ZNF568: variants seen among roughly 807,000 people sequenced by gnomAD.
ZNF568 encodes the protein p53 inhibitor of SCO2 activation.
In ZNF568, 11 loss-of-function variants were observed where a neutral mutation model predicts 18.1. The observed-to-expected ratio is 0.61, with a 90% CI of 0.38 to 1.00. The LOEUF (loss-of-function observed/expected upper bound fraction) is 1.00, where lower values mean the gene tolerates loss of function less well. Among genes scored for constraint, ZNF568 ranks in the 50% least tolerant of loss-of-function variants. ZNF568 has a pLI of 0.01. For missense variants in ZNF568, 639 were observed against 768.2 expected (o/e 0.83, Z 1.99); for synonymous variants, 213 against 246.6 (o/e 0.86, Z 1.28).
At chr19:36,966,905 C>T (rs907102093) in intron 6 of ZNF568, among the ~76,000 whole-genome samples, 1 of 152,210 alleles carries the variant, frequency 6.6e-6, no homozygotes, top group South Asian at 2.1e-4. Context: ...TGCTCCAGAC[C>T]TCATGCTCAC....
At chr19:36,932,838 T>C (rs973116401) in intron 4 of ZNF568, among the ~76,000 whole-genome samples, 2 of 152,208 alleles carry the variant, frequency 1.3e-5, no homozygotes, top group African/African-American at 4.8e-5. Flanking sequence ...TATATCTTCT[T>C]TGAAGAATTG....
intron 2 of ZNF568, among the ~76,000 whole-genome samples, chr19:36,988,173 T>C (rs2146346640): frequency 6.6e-6 from 1 of 152,146 alleles, no homozygotes; most frequent in African/African-American, 2.4e-5. Flanking sequence ...AGGCTGGTCT[T>C]AAACTCCTGG....
At chr19:36,987,426 G>T (rs2074385328) in intron 2 of ZNF568, among the ~76,000 whole-genome samples, 1 of 152,150 alleles carries the variant, frequency 6.6e-6, no homozygotes, top group Non-Finnish European at 1.5e-5. Context: ...CCCAGTTCTG[G>T]GATATACGAA....
At chr19:36,961,945 C>A (rs2074154223) in intron 6 of ZNF568, among the ~76,000 whole-genome samples, 1 of 148,162 alleles carries the variant, frequency 6.7e-6, no homozygotes, top group South Asian at 2.2e-4. Flanking sequence ...ACAAGTAGCT[C>A]CCCATGCACC....
At chr19:36,996,240 G>T in intron 4 of ZNF568, 11 of 1,098,576 alleles carry the variant, frequency 1.0e-5, no homozygotes, top group South Asian at 3.6e-5. Flanking sequence ...TTTTTATTTT[G>T]TCATTTCTAC....
intron 7 of ZNF568, chr19:36,978,982 CTTTTTT>C (rs750326116): frequency 1.0e-4 from 26 of 261,164 alleles, no homozygotes; most frequent in East Asian, 2.9e-4. Flanking sequence ...TTGTAACTAT[CTTTTTT>C]TTTTTTTTTT....
intron 4 of ZNF568, among the ~76,000 whole-genome samples, chr19:36,926,862 C>T (rs1320694474): frequency 6.6e-6 from 1 of 152,108 alleles, no homozygotes; most frequent in Non-Finnish European, 1.5e-5. Context: ...TACATAACAT[C>T]GTGCATCAAT....
At chr19:36,981,191 C>T (rs991588633), downstream of ZNF568, among the ~76,000 whole-genome samples, 7 of 152,098 alleles carry the variant, frequency 4.6e-5, no homozygotes, top group East Asian at 5.8e-4. Context: ...TCTGTCCGTC[C>T]GTTTGTCTAT....
chr19:36,997,029 G>C (rs764459012), exon 5 of ZNF568: 2 of 1,561,570 alleles, frequency 1.3e-6, no homozygotes, highest in Non-Finnish European at 1.7e-6. Context: ...GAATCCATAC[G>C]GGTGAGAAAC....
chr19:36,950,060 G>C lies in ZNF568; in HGVS notation c.907G>C (p.Glu303Gln). 6.2e-7 allele frequency: 1 copy of C among 1,613,800 alleles called. No homozygotes were observed. The highest frequency in any genetic ancestry group is 8.5e-7 in the Non-Finnish European group (1 of 1,179,908). Residue 303 changes from glutamate to glutamine, a missense_variant, in exon 7 of 7, where the codon GAG (glutamate) becomes CAG (glutamine). Physicochemically the swap from Glu to Gln is conservative, Grantham distance 29. Transcript: ENST00000333987. ...LIRHHRIHTG[E>Q]KPYACKDCWK... ...TAGACACCACAGAATTCATACTGGG[G>C]AGAAACCTTATGCATGTAAGGATTG...
intron 4 of ZNF568, among the ~76,000 whole-genome samples, chr19:36,934,304 CTTTTT>C (rs201377492): frequency 1.6e-5 from 2 of 128,900 alleles, no homozygotes; most frequent in Admixed American, 7.8e-5. Context: ...CTTCTAGTAT[CTTTTT>C]TTTTTTTTTT....
chr19:36,993,794 TG>T (rs1473072683), intron 4 of ZNF568, among the ~76,000 whole-genome samples: 6 of 152,176 alleles, frequency 3.9e-5, no homozygotes, highest in Non-Finnish European at 7.4e-5. Context: ...TCTCTTTTTT[TG>T]TTGGTCAATC....
At chr19:36,936,587 A>G in intron 4 of ZNF568, 159 bp from the exon 5 acceptor site, 2 of 594,256 alleles carry the variant, frequency 3.4e-6, no homozygotes, top group Non-Finnish European at 5.4e-6. Context: ...GAAATGTCCA[A>G]CCATTATTTC....
chr19:36,987,049 T>A (rs537382637), intron 2 of ZNF568, among the ~76,000 whole-genome samples: 2 of 152,338 alleles, frequency 1.3e-5, no homozygotes, highest in African/African-American at 4.8e-5. Context: ...AGCTAAAGTT[T>A]CCTTTCAGTT....
In ZNF568 at chr19:36,950,791, T is replaced by C. The variant is rs150909451; in HGVS notation, c.1638T>C (p.Leu546=). The change falls in exon 7 of 7, where the codon CTT becomes CTC. Residue 546 remains leucine, a synonymous_variant. Transcript: ENST00000333987. ...GKAFSQRQNL[L]EHEKIHTGEK... ...CTTTCAGTCAGAGACAAAATCTTCTTGAGCATGAAAAAATTCATACTGGAG... is the reference window on the plus strand; with the variant it reads ...CTTTCAGTCAGAGACAAAATCTTCTCGAGCATGAAAAAATTCATACTGGAG... 5.2e-4 allele frequency: 833 copies of C among 1,613,734 alleles called. 1 individual carries two copies. The African/African-American group carries it at 8.2e-3, about 16-fold the overall frequency.
intron 2 of ZNF568, among the ~76,000 whole-genome samples, chr19:36,989,274 C>T (rs1345180821): frequency 6.6e-6 from 1 of 152,146 alleles, no homozygotes; most frequent in Non-Finnish European, 1.5e-5. Context: ...CCTCTGCCTC[C>T]CAGGTTCAAG....
chr19:36,946,586 A>G (rs1256905760), intron 6 of ZNF568, among the ~76,000 whole-genome samples: 1 of 150,012 alleles, frequency 6.7e-6, no homozygotes, highest in African/African-American at 2.5e-5. Flanking sequence ...AATTCTAAAC[A>G]TCTTCCAAAA....
chr19:36,919,945 C>G (rs1040621068), intron 2 of ZNF568, among the ~76,000 whole-genome samples: 4 of 152,144 alleles, frequency 2.6e-5, no homozygotes, highest in African/African-American at 9.7e-5. Flanking sequence ...GCCTACTATA[C>G]TATACTTTTT....
intron 6 of ZNF568, among the ~76,000 whole-genome samples, chr19:36,941,091 A>C (rs1308558502): frequency 6.6e-6 from 1 of 152,160 alleles, no homozygotes; most frequent in African/African-American, 2.4e-5. Context: ...CTGAAGCTAT[A>C]GTTTTGCCCT....
Sources: allele counts gnomAD v4.1 joint callset (sites outside exome capture counted in the v4.1 genomes callset), GRCh38; gene constraint gnomAD v4.1.1; transcripts MANE v1.5; gene names NCBI Gene and HGNC (gene_info 2026-07-23, HGNC 2026-07-21).